HTRA1: variants seen among roughly 807,000 people sequenced by gnomAD.
HTRA1 encodes HtrA serine peptidase 1, also known as serine protease HTRA1.
Under a neutral mutation model 49.7 loss-of-function variants are expected in HTRA1, and 26 were observed. The observed-to-expected ratio is 0.52, with a 90% CI of 0.38 to 0.73. HTRA1 has a LOEUF of 0.73. HTRA1 is among the 30% of genes least tolerant of loss of function. The pLI is 0.00. For synonymous variants in HTRA1, 291 were observed against 286.9 expected, an observed-to-expected ratio of 1.01 and a Z score of -0.14; for missense variants, 561 against 667.2, an observed-to-expected ratio of 0.84 and a Z score of 1.75.
intron 1 of HTRA1, among the ~76,000 whole-genome samples, chr10:122,468,169 C>T (rs765134762): frequency 7.2e-5 from 11 of 152,180 alleles, no homozygotes; most frequent in Non-Finnish European, 7.3e-5. Context: ...GTATGATGCT[C>T]AGCTTAAGGG....
Position 122,494,776 on chromosome 10 carries a change from C to T in HTRA1, c.777+5150C>T, listed in dbSNP as rs2097497799. ...GAGGGTCCTCTTACTGCTGAGCTGG[C>T]TGGTGCAGTGAGAAGGAAGGCCGAC... On this transcript the variant is annotated intron_variant, in intron 3 of 8. Transcript: ENST00000368984. This position sits in a 1 kb window ranked among gnomAD's most constrained non-coding sequence, Gnocchi z 4.0. Among the ~76,000 whole-genome samples the T allele has an allele frequency of 6.6e-6, 1 of 152,156 alleles. No individual in the cohort carries two copies. Among genetic ancestry groups the T allele is most frequent in the South Asian group, 2.1e-4 (1 of 4,830 alleles).
At chr10:122,501,545 C>A (rs1289458388) in intron 3 of HTRA1, among the ~76,000 whole-genome samples, 1 of 152,182 alleles carries the variant, frequency 6.6e-6, no homozygotes, top group Non-Finnish European at 1.5e-5. Context: ...TCCTTCCCTG[C>A]TGGCAGAGCC....
chr10:122,462,637 A>G (rs1172222565), intron 1 of HTRA1, among the ~76,000 whole-genome samples: 3 of 152,212 alleles, frequency 2.0e-5, no homozygotes, highest in Admixed American at 1.3e-4. Context: ...TTTGGAAAGG[A>G]ACAGTGTTTG....
intron 3 of HTRA1, among the ~76,000 whole-genome samples, chr10:122,502,746 G>A (rs779265962): frequency 6.6e-6 from 1 of 152,112 alleles, no homozygotes; most frequent in Non-Finnish European, 1.5e-5. Flanking sequence ...AAAGACTGTC[G>A]TCCCCAAAGG....
intron 8 of HTRA1, among the ~76,000 whole-genome samples, chr10:122,513,594 G>A (rs1000597967): frequency 5.3e-5 from 6 of 113,158 alleles, no homozygotes; most frequent in African/African-American, 1.0e-4. Flanking sequence ...CCAGGAGTTC[G>A]AGACTAGCTT....
At chr10:122,472,311 TAAGAA>T (rs923988613) in intron 1 of HTRA1, among the ~76,000 whole-genome samples, 1 of 151,118 alleles carries the variant, frequency 6.6e-6, no homozygotes, top group African/African-American at 2.4e-5. Flanking sequence ...TATGAAAAAT[TAAGAA>T]AAGAAGATTC....
In HTRA1 at chr10:122,514,461, T is replaced by C. The variant is rs930326298; in HGVS notation, c.*102T>C. ...GAATAGGACACTCAAGACTTTTGAC[T>C]GCCATTTTGTTTGTTCAGTGGAGAC... On this transcript the variant is annotated 3_prime_UTR_variant, in exon 9 of 9. Transcript: ENST00000368984. 6.7e-6 allele frequency: 8 copies of C among 1,186,896 alleles called. No homozygotes were observed. The highest frequency in any genetic ancestry group is 1.0e-5 in the Non-Finnish European group (8 of 799,432). The allele number at this position is 1,186,896 out of a possible 1,614,324, so 73.5% of individuals were successfully genotyped here.
rs11200639 is a variant in HTRA1, at chr10:122,462,776, G to C, written c.472+652G>C. Among the ~76,000 whole-genome samples, 1,771 of 152,352 alleles carry C rather than the reference G, an allele frequency of 0.012. 84 individuals carry two copies. The East Asian group carries it at 0.16, about 14-fold the overall frequency. ...TTGAGCCAGCCCTACAAAAATGAAA[G>C]TGGCTCCTTTTGAATAAGCTGAATC... is the stretch of plus-strand genomic sequence containing the variant. On this transcript the variant is annotated intron_variant, in intron 1 of 8. Transcript: ENST00000368984.
At chr10:122,503,677 A>T (rs1411688538) in intron 3 of HTRA1, among the ~76,000 whole-genome samples, 1 of 152,146 alleles carries the variant, frequency 6.6e-6, no homozygotes. Flanking sequence ...AATGGGGGGA[A>T]AATATAGCTC....
chr10:122,466,003 A>G (rs529391813), intron 1 of HTRA1, among the ~76,000 whole-genome samples: 1 of 152,224 alleles, frequency 6.6e-6, no homozygotes, highest in East Asian at 1.9e-4. Flanking sequence ...GAGGTCTGCA[A>G]GCTGCAGGGG....
At chr10:122,512,093 C>A in intron 8 of HTRA1, 28 bp downstream of exon 8, 1 of 1,489,126 alleles carries the variant, frequency 6.7e-7, no homozygotes, top group Non-Finnish European at 9.4e-7. Context: ...TCTCTTTTCC[C>A]AATATTCTTG....
At chr10:122,474,439 C>T (rs561122016) in intron 1 of HTRA1, among the ~76,000 whole-genome samples, 3 of 152,304 alleles carry the variant, frequency 2.0e-5, no homozygotes, top group East Asian at 1.9e-4. Context: ...CCCTCCCTCA[C>T]GTCTCTTCTG....
chr10:122,491,645 G>A (rs926859885), intron 3 of HTRA1, among the ~76,000 whole-genome samples: 3 of 152,226 alleles, frequency 2.0e-5, no homozygotes, highest in Admixed American at 6.5e-5. Flanking sequence ...CTGTCTCCTC[G>A]TGCCATCCCT....
Position 122,510,170 on chromosome 10 carries a change from C to G in HTRA1, c.1178+17C>G. 1.9e-6 allele frequency: 3 copies of G among 1,605,638 alleles called. No homozygotes were observed. Among genetic ancestry groups the G allele is most frequent in the Non-Finnish European group, 2.6e-6 (3 of 1,172,202 alleles). ...CACGTCCAGGTGGGTAAACAGGATG[C>G]GTGTCTGTGTCTTAAATTTTAATAA... On this transcript the variant is annotated intron_variant, in intron 7 of 8. Transcript: ENST00000368984.
At chr10:122,463,547 T>A (rs2736913) in intron 1 of HTRA1, among the ~76,000 whole-genome samples, 152,107 of 152,194 alleles carry the variant, frequency 1, 76,010 homozygotes, top group Middle Eastern at 1. Context: ...CTGTCGCCCA[T>A]GCTGGAGTGT....
In HTRA1 at chr10:122,506,320, C is replaced by T. The variant is rs2097503034; in HGVS notation, c.778-371C>T. Among the ~76,000 whole-genome samples, 1 of 152,188 alleles carries T rather than the reference C, an allele frequency of 6.6e-6. No homozygotes were observed. Among genetic ancestry groups the T allele is most frequent in the South Asian group, 2.1e-4 (1 of 4,828 alleles). On this transcript the variant is annotated intron_variant, in intron 3 of 8. Coordinates refer to ENST00000368984, the MANE Select transcript of HTRA1 (RefSeq NM_002775.5). This position sits in a 1 kb window ranked among gnomAD's most constrained non-coding sequence, Gnocchi z 5.2. Reference sequence around the variant, plus strand: ...AGGGCCATCCCCAGCAGTCTCACCCCAAACCCTAAATTCATGTTGTCTTCC... The same window carrying T: ...AGGGCCATCCCCAGCAGTCTCACCCTAAACCCTAAATTCATGTTGTCTTCC...
chr10:122,466,279 C>T (rs2097483735), intron 1 of HTRA1, among the ~76,000 whole-genome samples: 1 of 152,164 alleles, frequency 6.6e-6, no homozygotes, highest in Non-Finnish European at 1.5e-5. Flanking sequence ...CATTCTCCTG[C>T]CTTAGCCTCC....
chr10:122,468,401 T>TGTC (rs1565408803), intron 1 of HTRA1, among the ~76,000 whole-genome samples: 1 of 123,296 alleles, frequency 8.1e-6, no homozygotes, highest in Non-Finnish European at 1.7e-5. Context: ...GTGTTGTCAT[T>TGTC]GTCATCATCA....
chr10:122,472,186 CT>C (rs550618072), intron 1 of HTRA1, among the ~76,000 whole-genome samples: 22 of 150,586 alleles, frequency 1.5e-4, no homozygotes, highest in African/African-American at 3.9e-4. Flanking sequence ...CATAAGGACT[CT>C]TTTTTTTTGT....
Sources: gnomAD v4.1 joint callset for allele counts (sites outside exome capture counted in the v4.1 genomes callset) on GRCh38, gnomAD v4.1.1 for gene constraint, Gnocchi (gnomAD v3.1) non-coding constraint, MANE v1.5 for transcripts, NCBI Gene and HGNC (gene_info 2026-07-23, HGNC 2026-07-21) for gene names.